Variants in AMPH observed in about 807,000 individuals in gnomAD.
AMPH encodes amphiphysin.
In AMPH, 49 loss-of-function variants were observed where a neutral mutation model predicts 99.1. The ratio of observed to expected loss-of-function variants is 0.49; its 90% CI spans 0.39 to 0.63. The LOEUF is 0.63. Among genes scored for constraint, AMPH ranks in the 20% least tolerant of loss-of-function variants. AMPH has a pLI of 0.00. For synonymous variants in AMPH, 314 were observed against 317.3 expected (o/e 0.99, Z 0.11); for missense variants, 759 against 863.4 (o/e 0.88, Z 1.52).
chr7:38,461,272 C>CT lies in AMPH; in HGVS notation c.1017+10_1017+11insA, dbSNP rs766770576. 6,152 of 1,613,534 alleles carry CT rather than the reference C, an allele frequency of 3.8e-3. 207 individuals carry two copies. In the African/African-American group the frequency reaches 0.073, roughly 19 times the overall value. On this transcript the variant is annotated intron_variant, in intron 11 of 20. Transcript: ENST00000356264. ...TTTCATGGACATACCAGCCCTGAAC[C>CT]AGGCACTTACCTGGGAAGGTGTTGT...
At chr7:38,417,764 A>C (rs766656638) in intron 17 of AMPH, 61 bp downstream of exon 17, 28 of 1,598,318 alleles carry the variant, frequency 1.8e-5, no homozygotes, top group Non-Finnish European at 2.3e-5. Context: ...GCATATGGTC[A>C]TGAGATGAGC....
At chr7:38,538,087 TC>T (rs1790681136) in intron 1 of AMPH, among the ~76,000 whole-genome samples, 1 of 152,180 alleles carries the variant, frequency 6.6e-6, no homozygotes, top group South Asian at 2.1e-4. Flanking sequence ...CATCATAGTT[TC>T]CTAGAAATTA....
At chr7:38,554,091 G>T (rs1447309608) in intron 1 of AMPH, among the ~76,000 whole-genome samples, 1 of 152,156 alleles carries the variant, frequency 6.6e-6, no homozygotes, top group Non-Finnish European at 1.5e-5. Context: ...CCCCTGCCTG[G>T]CTGGGACTAG....
At chr7:38,410,027 C>T (rs542073092) in intron 17 of AMPH, among the ~76,000 whole-genome samples, 27 of 152,216 alleles carry the variant, frequency 1.8e-4, no homozygotes, top group Non-Finnish European at 2.8e-4. Flanking sequence ...TTGGAGCAGC[C>T]GCCGTGGACA....
intron 1 of AMPH, among the ~76,000 whole-genome samples, chr7:38,546,647 G>A (rs1442574034): frequency 1.3e-5 from 2 of 152,144 alleles, no homozygotes; most frequent in Admixed American, 1.3e-4. Context: ...TTGGGTATCC[G>A]GAGGGGTATG....
At chr7:38,511,988 A>G (rs1789560292) in intron 2 of AMPH, among the ~76,000 whole-genome samples, 1 of 152,218 alleles carries the variant, frequency 6.6e-6, no homozygotes, top group Admixed American at 6.5e-5. Flanking sequence ...TTGACTCATA[A>G]GTCTGAAATA....
At chr7:38,480,718 A>G (rs2129016091) in intron 5 of AMPH, among the ~76,000 whole-genome samples, 1 of 152,294 alleles carries the variant, frequency 6.6e-6, no homozygotes, top group East Asian at 1.9e-4. Flanking sequence ...TCAATTAGGT[A>G]TGGTGAACAC....
intron 13 of AMPH, among the ~76,000 whole-genome samples, chr7:38,430,757 G>C (rs889015791): frequency 1.1e-4 from 16 of 152,154 alleles, no homozygotes; most frequent in African/African-American, 3.6e-4. Context: ...CACTAGAAAA[G>C]ATATAACTTA....
intron 1 of AMPH, among the ~76,000 whole-genome samples, chr7:38,595,195 C>T (rs372197568): frequency 1.3e-5 from 2 of 152,306 alleles, no homozygotes; most frequent in South Asian, 4.1e-4. Context: ...CACAAGCAAA[C>T]TGCTCCCCAG....
chr7:38,442,059 T>C (rs1786577701), intron 11 of AMPH, among the ~76,000 whole-genome samples: 1 of 151,274 alleles, frequency 6.6e-6, no homozygotes, highest in Non-Finnish European at 1.5e-5. Flanking sequence ...TGAGAACACA[T>C]GGACACATAA....
chr7:38,622,465 A>ACACG (rs1482538380), intron 1 of AMPH, among the ~76,000 whole-genome samples: 2 of 151,688 alleles, frequency 1.3e-5, no homozygotes, highest in Non-Finnish European at 2.9e-5. Flanking sequence ...ACACACACAC[A>ACACG]CACACACACA....
At chr7:38,471,064 A>G (rs2284255) in intron 7 of AMPH, among the ~76,000 whole-genome samples, 37,739 of 152,104 alleles carry the variant, frequency 0.25, 5,707 homozygotes, top group African/African-American at 0.39. Context: ...AACATCTAAC[A>G]GAGTTCTTCA....
intron 9 of AMPH, 157 bp from the exon 10 acceptor site, chr7:38,463,270 T>A: frequency 1.1e-6 from 1 of 896,488 alleles, no homozygotes; most frequent in Non-Finnish European, 1.8e-6. Flanking sequence ...GCAACAGTGA[T>A]GGTGATAACT....
At chr7:38,585,188 C>T (rs549121027) in intron 1 of AMPH, among the ~76,000 whole-genome samples, 2 of 152,260 alleles carry the variant, frequency 1.3e-5, no homozygotes, top group Middle Eastern at 3.4e-3. Context: ...GGCATAGATA[C>T]CACTATTATT....
chr7:38,551,867 T>C (rs1791194246), intron 1 of AMPH, among the ~76,000 whole-genome samples: 1 of 152,186 alleles, frequency 6.6e-6, no homozygotes, highest in Admixed American at 6.5e-5. Context: ...ACTCAGGAAT[T>C]AACATGGGTG....
chr7:38,548,829 G>GT (rs1294320465), intron 1 of AMPH, among the ~76,000 whole-genome samples: 14 of 152,338 alleles, frequency 9.2e-5, no homozygotes, highest in African/African-American at 3.4e-4. Flanking sequence ...CGTTTGCATA[G>GT]TGCACAAACA....
intron 1 of AMPH, among the ~76,000 whole-genome samples, chr7:38,539,802 A>G (rs1790746147): frequency 6.6e-6 from 1 of 152,324 alleles, no homozygotes; most frequent in African/African-American, 2.4e-5. Flanking sequence ...AAAGACCATG[A>G]TGTGCAGTTG....
At chr7:38,593,947 G>C (rs1262638346) in intron 1 of AMPH, among the ~76,000 whole-genome samples, 1 of 152,184 alleles carries the variant, frequency 6.6e-6, no homozygotes, top group African/African-American at 2.4e-5. Flanking sequence ...GGTGATGAGG[G>C]CCTGTAGGAC....
chr7:38,622,492 C>T (rs1341633981), intron 1 of AMPH, among the ~76,000 whole-genome samples: 3 of 151,506 alleles, frequency 2.0e-5, no homozygotes, highest in African/African-American at 7.3e-5. Flanking sequence ...CAAACACATC[C>T]CCTTAGATGA....
Sources: gnomAD v4.1 joint callset for allele counts (sites outside exome capture counted in the v4.1 genomes callset) on GRCh38, gnomAD v4.1.1 for gene constraint, MANE v1.5 for transcripts, NCBI Gene and HGNC (gene_info 2026-07-23, HGNC 2026-07-21) for gene names.